Variants in NUDT5 observed in about 807,000 individuals in gnomAD.
The protein encoded by NUDT5 is ADP-sugar pyrophosphatase.
NUDT5 carries 21 observed loss-of-function variants against 34.1 expected under a neutral mutation model. That is an observed-to-expected ratio of 0.62 (90% CI 0.44 to 0.89). The LOEUF is 0.89. Among genes scored for constraint, NUDT5 ranks in the 40% least tolerant of loss-of-function variants. The pLI, the probability that NUDT5 is intolerant of heterozygous loss-of-function variation, is 0.00. For missense variants in NUDT5, 249 were observed against 274.8 expected, an observed-to-expected ratio of 0.91 and a Z score of 0.66; for synonymous variants, 85 against 97.6, an observed-to-expected ratio of 0.87 and a Z score of 0.76.
At chr10:12,184,390 C>A in intron 3 of NUDT5, 1 of 971,770 alleles carries the variant, frequency 1.0e-6, no homozygotes, top group Non-Finnish European at 1.5e-6. Context: ...TGGGATTACT[C>A]GGTCAAAGGG....
Position 12,169,472 on chromosome 10 carries a change from TG to T in NUDT5, c.550+1244del. On this transcript the variant is annotated intron_variant, in intron 9 of 9. Transcript: ENST00000491614. This position sits in a 1 kb window ranked among gnomAD's most constrained non-coding sequence, Gnocchi z 4.8. ...ACCTGTTTGATGTGATAGCTAATTATGGTCCGCGGAGCCTCAAACCGAGTCG... is the reference window on the plus strand; with the variant it reads ...ACCTGTTTGATGTGATAGCTAATTATGTCCGCGGAGCCTCAAACCGAGTCG... 1 of 598,522 alleles carries T rather than the reference TG, an allele frequency of 1.7e-6. No homozygotes were observed. The highest frequency in any genetic ancestry group is 2.9e-6 in the Non-Finnish European group (1 of 347,266). 37.1% of individuals were successfully genotyped at this position (598,522 alleles called of 1,614,324 possible).
intron 5 of NUDT5, among the ~76,000 whole-genome samples, chr10:12,176,298 T>A (rs1380422973): frequency 1.3e-5 from 2 of 152,150 alleles, no homozygotes; most frequent in African/African-American, 2.4e-5. Flanking sequence ...TACCAGCAGC[T>A]AGCCTTTTAA....
chr10:12,172,695 C>G lies in NUDT5; in HGVS notation c.487+70G>C, dbSNP rs903748562. The G allele has an allele frequency of 5.9e-6, 6 of 1,011,030 alleles. No individual in the cohort carries two copies. In the African/African-American group the frequency reaches 6.3e-5, roughly 11 times the overall value. The allele number at this position is 1,011,030 out of a possible 1,614,324, so 62.6% of individuals were successfully genotyped here. Reference sequence around the variant, plus strand: ...GAAAGACTACATTCTTTTAATAAATCAAACTAGCAGCAAGTTCCAAGACAC... The same window carrying G: ...GAAAGACTACATTCTTTTAATAAATGAAACTAGCAGCAAGTTCCAAGACAC... On this transcript the variant is annotated intron_variant, in intron 7 of 9. Transcript: ENST00000491614.
chr10:12,175,020 A>G lies in NUDT5; in HGVS notation c.290-1207T>C, dbSNP rs1439653186. On this transcript the variant is annotated intron_variant, in intron 5 of 9. Coordinates refer to ENST00000491614, the MANE Select transcript of NUDT5 (RefSeq NM_014142.4). The surrounding 1 kb of genome is among the most constrained non-coding windows in gnomAD (Gnocchi z 4.8). ...AACGCAGACTCTTTTTCCTGAAAGG[A>G]ATTAAAAAATATAATAAGGCTGGGC... Among the ~76,000 whole-genome samples the G allele has an allele frequency of 1.3e-5, 2 of 152,126 alleles. No homozygotes were observed. Among genetic ancestry groups the G allele is most frequent in the Admixed American group, 1.3e-4 (2 of 15,254 alleles).
chr10:12,187,725 G>A lies in NUDT5; in HGVS notation c.-41-1393C>T, dbSNP rs1053772359. ...GCTTGTAGTTAGTCACTTTCATGTC[G>A]ATGTTATTGTACTGGGAAGTCAAGT... On this transcript the variant is annotated intron_variant, in intron 1 of 9. Transcript: ENST00000491614. The surrounding 1 kb of genome is among the most constrained non-coding windows in gnomAD (Gnocchi z 5.4). Among the ~76,000 whole-genome samples the A allele has an allele frequency of 2.6e-5, 4 of 152,124 alleles. No homozygotes were observed. The highest frequency in any genetic ancestry group is 9.7e-5 in the African/African-American group (4 of 41,414).
In NUDT5 at chr10:12,170,378, G is replaced by C. The variant is rs546888284; in HGVS notation, c.550+339C>G. Reference sequence around the variant, plus strand: ...TAGCATACTTGAGGAAAAGCTAACAGCTTATCTACCCACACCTTTGCATTG... The same window carrying C: ...TAGCATACTTGAGGAAAAGCTAACACCTTATCTACCCACACCTTTGCATTG... On this transcript the variant is annotated intron_variant, in intron 9 of 9. Transcript: ENST00000491614. The surrounding 1 kb of genome is among the most constrained non-coding windows in gnomAD (Gnocchi z 4.9). The C allele has an allele frequency of 2.2e-4, 142 of 648,634 alleles. No individual in the cohort carries two copies. The highest frequency in any genetic ancestry group is 3.2e-4 in the Non-Finnish European group (119 of 376,104). The allele number at this position is 648,634 out of a possible 1,614,324, so 40.2% of individuals were successfully genotyped here. A position where few individuals can be genotyped will look rare whatever the true frequency, so the allele number is the denominator to read the frequency against.
rs1171840890 is a variant in NUDT5, at chr10:12,168,375, T to TC, written c.551-565dup. ...CAAAGTTGGAAGTGTATAGAGCCAATCGCTATACCTCATTTATAGCTGGGG... is the reference window on the plus strand; with the variant it reads ...CAAAGTTGGAAGTGTATAGAGCCAATCCGCTATACCTCATTTATAGCTGGGG... On this transcript the variant is annotated intron_variant, in intron 9 of 9. Transcript: ENST00000491614. This position sits in a 1 kb window ranked among gnomAD's most constrained non-coding sequence, Gnocchi z 4.8. Among the ~76,000 whole-genome samples the TC allele has an allele frequency of 6.6e-6, 1 of 152,172 alleles. No homozygotes were observed. The highest frequency in any genetic ancestry group is 2.4e-5 in the African/African-American group (1 of 41,448).
intron 5 of NUDT5, among the ~76,000 whole-genome samples, chr10:12,176,780 C>T (rs762545232): frequency 1.3e-5 from 2 of 152,096 alleles, no homozygotes; most frequent in South Asian, 2.1e-4. Flanking sequence ...GGCCTGTTTC[C>T]GCACAGCAGA....
chr10:12,172,289 T>C (rs1834871277), intron 7 of NUDT5, among the ~76,000 whole-genome samples: 1 of 152,168 alleles, frequency 6.6e-6, no homozygotes, highest in Non-Finnish European at 1.5e-5. Flanking sequence ...CCATTTTTTT[T>C]TTTTTAAGAG....
At chr10:12,167,951 A>G (rs1834747743) in intron 9 of NUDT5, 140 bp from the exon 10 acceptor site, 4 of 1,416,840 alleles carry the variant, frequency 2.8e-6, no homozygotes, top group South Asian at 1.5e-5. Flanking sequence ...TTTTTGGTCT[A>G]TAAGGATCTT....
rs1264186015 is a variant in NUDT5 at position 12,181,244 on chromosome 10, C to T, written c.132-2112G>A. Among the ~76,000 whole-genome samples, 2 of 152,238 alleles carry T rather than the reference C, an allele frequency of 1.3e-5. No individual in the cohort carries two copies. Among genetic ancestry groups the T allele is most frequent in the South Asian group, 2.1e-4 (1 of 4,818 alleles). The stretch of plus-strand genomic sequence containing the variant: ...CTGTGATTACTCTAGAGATGAAGTG[C>T]GTGGGAGGATGTGCATAGGTTAGAG... On this transcript the variant is annotated intron_variant, in intron 3 of 9. Coordinates refer to ENST00000491614, the MANE Select transcript of NUDT5 (RefSeq NM_014142.4). The surrounding 1 kb of genome is among the most constrained non-coding windows in gnomAD (Gnocchi z 5.0).
At chr10:12,185,131 T>C (rs1218714188) in intron 2 of NUDT5, among the ~76,000 whole-genome samples, 175 bp from the exon 3 acceptor site, 2 of 152,176 alleles carry the variant, frequency 1.3e-5, no homozygotes, top group Non-Finnish European at 2.9e-5. Context: ...TTCAGGGTTG[T>C]TTTTTTAAAG....
chr10:12,188,861 G>A (rs774300673), intron 1 of NUDT5, among the ~76,000 whole-genome samples: 2 of 152,036 alleles, frequency 1.3e-5, no homozygotes, highest in South Asian at 2.1e-4. Flanking sequence ...GTGACTCAGC[G>A]TTTCATGAAG....
intron 1 of NUDT5, among the ~76,000 whole-genome samples, chr10:12,193,860 C>G (rs893644491): frequency 2.5e-4 from 38 of 151,504 alleles, no homozygotes; most frequent in African/African-American, 9.2e-4. Flanking sequence ...CTGCCTTAAT[C>G]TCTACACTCT....
chr10:12,183,634 A>T (rs549413056), intron 3 of NUDT5, among the ~76,000 whole-genome samples: 1 of 152,356 alleles, frequency 6.6e-6, no homozygotes, highest in South Asian at 2.1e-4. Flanking sequence ...AATTTCACTA[A>T]GTAAAAAATT....
rs896792885 is a variant in NUDT5, at chr10:12,193,338, C to T, written c.-42+2432G>A. Among the ~76,000 whole-genome samples the T allele has an allele frequency of 2.6e-5, 4 of 152,092 alleles. No individual in the cohort carries two copies. The South Asian group carries it at 8.3e-4, about 32-fold the overall frequency. ...CAGACATCCAGATGAAGAAAACCAG[C>T]AGACAGGTGAAAATCTTAATCTAGG... On this transcript the variant is annotated intron_variant, in intron 1 of 9. Coordinates refer to ENST00000491614, the MANE Select transcript of NUDT5 (RefSeq NM_014142.4).
intron 4 of NUDT5, among the ~76,000 whole-genome samples, chr10:12,178,435 A>C (rs1277371488): frequency 6.6e-6 from 1 of 152,254 alleles, no homozygotes; most frequent in African/African-American, 2.4e-5. Flanking sequence ...GAAAACACAA[A>C]GCACCCAGGA....
chr10:12,193,012 AT>A (rs3842229), intron 1 of NUDT5, among the ~76,000 whole-genome samples: 106,429 of 151,722 alleles, frequency 0.7, 37,664 homozygotes, highest in East Asian at 0.83. Flanking sequence ...TACTGAAATT[AT>A]GCTACTTGGT....
chr10:12,190,183 C>A (rs552951581), intron 1 of NUDT5, among the ~76,000 whole-genome samples: 33 of 152,268 alleles, frequency 2.2e-4, no homozygotes, highest in Admixed American at 5.9e-4. Context: ...GTCACCGCGC[C>A]AGCGAGTGTT....
Sources: gnomAD v4.1 joint callset for allele counts (sites outside exome capture counted in the v4.1 genomes callset) on GRCh38, gnomAD v4.1.1 for gene constraint, Gnocchi (gnomAD v3.1) non-coding constraint, MANE v1.5 for transcripts, NCBI Gene and HGNC (gene_info 2026-07-23, HGNC 2026-07-21) for gene names.